CYP20A1: variants seen among roughly 807,000 people sequenced by gnomAD.
CYP20A1 encodes cytochrome P450 20A1.
In CYP20A1, 61 loss-of-function variants were observed where a neutral mutation model predicts 61.4. The ratio of observed to expected loss-of-function variants is 0.99; its 90% CI spans 0.81 to 1.23. The LOEUF is 1.23. Ranked by LOEUF, CYP20A1 falls within the 50% of genes most tolerant of loss-of-function variation. The pLI is 0.00. For synonymous variants in CYP20A1, 193 were observed against 188.2 expected (o/e 1.03, Z -0.21); for missense variants, 530 against 542.4 (o/e 0.98, Z 0.23).
chr2:203,248,441 G>C (rs558102783), intron 3 of CYP20A1, among the ~76,000 whole-genome samples: 1 of 151,830 alleles, frequency 6.6e-6, no homozygotes, highest in Admixed American at 6.6e-5. Flanking sequence ...GACTGAGGCA[G>C]GATAATCTCT....
chr2:203,280,415 A>G (rs2067996652), intron 8 of CYP20A1, among the ~76,000 whole-genome samples: 1 of 152,190 alleles, frequency 6.6e-6, no homozygotes, highest in Admixed American at 6.5e-5. Context: ...CTCAAAAAAA[A>G]CAAGGCCAGG....
At chr2:203,292,112 C>G (rs1435775596) in intron 10 of CYP20A1, 150 bp from the exon 11 acceptor site, 9 of 489,672 alleles carry the variant, frequency 1.8e-5, no homozygotes, top group Admixed American at 6.8e-5. Context: ...GTAAGATCAC[C>G]AAAATAATCA....
At chr2:203,252,438 A>C (rs1009922413) in intron 4 of CYP20A1, among the ~76,000 whole-genome samples, 2 of 152,000 alleles carry the variant, frequency 1.3e-5, no homozygotes, top group African/African-American at 2.4e-5. Context: ...TCTGTCACCC[A>C]GGCTGGAGTA....
chr2:203,266,152 T>C (rs571771364), intron 4 of CYP20A1, among the ~76,000 whole-genome samples: 63 of 152,346 alleles, frequency 4.1e-4, no homozygotes, highest in African/African-American at 1.3e-3. Context: ...GATTATTATG[T>C]CACAGGCATT....
chr2:203,254,941 A>G (rs2066839081), intron 4 of CYP20A1, among the ~76,000 whole-genome samples: 2 of 151,948 alleles, frequency 1.3e-5, no homozygotes, highest in African/African-American at 2.4e-5. Flanking sequence ...CAGTGAGCCA[A>G]GATTGCGCCA....
In CYP20A1 at chr2:203,296,713, A is replaced by G. The variant is rs773759864; in HGVS notation, c.1239-45A>G. On this transcript the variant is annotated intron_variant, in intron 12 of 12. Coordinates refer to ENST00000356079, the MANE Select transcript of CYP20A1 (RefSeq NM_177538.3). ...TGTGCAGAACGTGCAGGTTTAAAGT[A>G]TAATTTTTAATCTTTAGTAACTAAT... The G allele has an allele frequency of 1.5e-5, 24 of 1,556,414 alleles. No homozygotes were observed. The East Asian group carries it at 5.2e-4, about 34-fold the overall frequency.
rs1225757716 is a variant in CYP20A1 at position 203,298,711 on chromosome 2, A to T, written c.*1803A>T. 2.0e-5 allele frequency among the ~76,000 whole-genome samples: 3 copies of T among 150,876 alleles called. No individual in the cohort carries two copies. Among genetic ancestry groups the T allele is most frequent in the African/African-American group, 2.4e-5 (1 of 41,058 alleles). On this transcript the variant is annotated 3_prime_UTR_variant, in exon 13 of 13. Transcript: ENST00000356079. The stretch of plus-strand genomic sequence containing the variant: ...TGAAACTCATTCTCAAAAAAAAAAA[A>T]AAAAGGAGGTGGGGAGAGCTATTTC...
chr2:203,246,284 C>G (rs2066457463), intron 2 of CYP20A1, among the ~76,000 whole-genome samples: 1 of 152,174 alleles, frequency 6.6e-6, no homozygotes, highest in African/African-American at 2.4e-5. Flanking sequence ...GGCATGTAAC[C>G]TAAACTTTGT....
intron 9 of CYP20A1, among the ~76,000 whole-genome samples, chr2:203,286,682 G>T (rs2068285012): frequency 6.6e-6 from 1 of 152,110 alleles, no homozygotes; most frequent in Non-Finnish European, 1.5e-5. Flanking sequence ...GCTAGGAATG[G>T]GGATCAACTA....
Position 203,301,932 on chromosome 2 carries a change from T to G in CYP20A1, c.*5024T>G, listed in dbSNP as rs541714437. Among the ~76,000 whole-genome samples, 11,342 of 146,106 alleles carry G rather than the reference T, an allele frequency of 0.078. 189 individuals are homozygous for G. Among genetic ancestry groups the G allele is most frequent in the Non-Finnish European group, 0.11 (7,438 of 66,300 alleles). On this transcript the variant is annotated 3_prime_UTR_variant, in exon 13 of 13. Transcript: ENST00000356079. ...TAAGATTCTTTTTTTTTTTTTTTTT[T>G]TTTTGTTTTGAGACTGAGTCCCGCT...
rs747134866 is a variant in CYP20A1 at position 203,246,806 on chromosome 2, G to T, written c.174G>T (p.Leu58=). 1 of 1,614,130 alleles carries T rather than the reference G, an allele frequency of 6.2e-7. No homozygotes were observed. The highest frequency in any genetic ancestry group is 8.5e-7 in the Non-Finnish European group (1 of 1,180,030). ...IVNSGSLHEF[L]VNLHERYGPV... ...ATAGTGGAAGTTTGCATGAGTTCCTGGTTAATTTGCATGAGAGATATGGGC... is the reference window on the plus strand; with the variant it reads ...ATAGTGGAAGTTTGCATGAGTTCCTTGTTAATTTGCATGAGAGATATGGGC... Residue 58 remains leucine (L), a synonymous_variant, in exon 3 of 13, where the codon CTG becomes CTT. Transcript: ENST00000356079.
At chr2:203,248,366 G>A (rs373127475) in intron 3 of CYP20A1, among the ~76,000 whole-genome samples, 4 of 151,980 alleles carry the variant, frequency 2.6e-5, no homozygotes, top group South Asian at 2.1e-4. Flanking sequence ...AAACCCTGTC[G>A]CTACTAAAAA....
At position 203,298,533 on chromosome 2, in the gene CYP20A1, CAAAAAA is replaced by C. The variant is rs76767556; in HGVS notation, c.*1638_*1643del. On this transcript the variant is annotated 3_prime_UTR_variant, in exon 13 of 13. Coordinates refer to ENST00000356079, the MANE Select transcript of CYP20A1 (RefSeq NM_177538.3). ...TGAAACCCCGTCTCTACTAAAAATA[CAAAAAA>C]AAAAAAAAAAAATTAGCCAGATGTG... is the stretch of plus-strand genomic sequence containing the variant. Among the ~76,000 whole-genome samples the C allele has an allele frequency of 5.6e-5, 7 of 124,522 alleles. No individual in the cohort carries two copies. The highest frequency in any genetic ancestry group is 8.8e-5 in the Admixed American group (1 of 11,326). The allele number at this position is 124,522 out of a possible 152,430, so 81.7% of individuals were successfully genotyped here.
chr2:203,261,138 G>T lies in CYP20A1; in HGVS notation c.433-5376G>T, dbSNP rs138540448. Among the ~76,000 whole-genome samples, 1,251 of 152,124 alleles carry T rather than the reference G, an allele frequency of 8.2e-3. 4 individuals carry two copies. Among genetic ancestry groups the T allele is most frequent in the Non-Finnish European group, 0.014 (926 of 68,010 alleles). On this transcript the variant is annotated intron_variant, in intron 4 of 12. Coordinates refer to ENST00000356079, the MANE Select transcript of CYP20A1 (RefSeq NM_177538.3). ...AATCCCAGCACTGTGGGAGGCCAAG[G>T]TGGGAGGATTGCCTGAGTCCAGGAG...
intron 6 of CYP20A1, among the ~76,000 whole-genome samples, chr2:203,273,626 A>G (rs1175834860): frequency 1.3e-5 from 2 of 152,004 alleles, no homozygotes; most frequent in African/African-American, 4.8e-5. Context: ...GTAGTGAGAG[A>G]CCCCATCTCA....
rs369683063 is a variant in CYP20A1 at position 203,298,668 on chromosome 2, T to G, written c.*1760T>G. ...GTGAGCCAAGATCGCACCACTGCAC[T>G]CCAGCCTGGGTGTCGAGTGAAACTC... On this transcript the variant is annotated 3_prime_UTR_variant, in exon 13 of 13. Coordinates refer to ENST00000356079, the MANE Select transcript of CYP20A1 (RefSeq NM_177538.3). Among the ~76,000 whole-genome samples the G allele has an allele frequency of 4.2e-5, 6 of 142,928 alleles. No individual in the cohort carries two copies. In the East Asian group the frequency reaches 1.0e-3, roughly 25 times the overall value. The allele number at this position is 142,928 out of a possible 152,430, so 93.8% of individuals were successfully genotyped here.
Position 203,249,841 on chromosome 2 carries a change from T to C in CYP20A1, c.290-2126T>C, listed in dbSNP as rs781274566. Among the ~76,000 whole-genome samples the C allele has an allele frequency of 3.6e-4, 54 of 151,728 alleles. 1 individual carries two copies. The highest frequency in any genetic ancestry group is 6.6e-4 in the Non-Finnish European group (45 of 67,958). ...ACCTGGATGACAGATCGAGACTCCA[T>C]CTCAAAAAAGAAAAAAAATGCCCTT... is the stretch of plus-strand genomic sequence containing the variant. On this transcript the variant is annotated intron_variant, in intron 3 of 12. Coordinates refer to ENST00000356079, the MANE Select transcript of CYP20A1 (RefSeq NM_177538.3).
chr2:203,282,299 A>G (rs1400028837), intron 8 of CYP20A1, among the ~76,000 whole-genome samples: 2 of 152,042 alleles, frequency 1.3e-5, no homozygotes, highest in African/African-American at 2.4e-5. Flanking sequence ...TGCTAGGATT[A>G]CAGTCGTGAG....
Position 203,246,690 on chromosome 2 carries a change from A to C in CYP20A1, c.123-65A>C, listed in dbSNP as rs1365525181. On this transcript the variant is annotated intron_variant, in intron 2 of 12. Coordinates refer to ENST00000356079, the MANE Select transcript of CYP20A1 (RefSeq NM_177538.3). Reference sequence around the variant, plus strand: ...TATTGATACAGTTAATTCAGAGTCAACTGTTGTTTTTCTCATTTTTCCAAA... The same window carrying C: ...TATTGATACAGTTAATTCAGAGTCACCTGTTGTTTTTCTCATTTTTCCAAA... 4.7e-6 allele frequency: 7 copies of C among 1,485,884 alleles called. No homozygotes were observed. The East Asian group carries it at 1.6e-4, about 34-fold the overall frequency. The allele number at this position is 1,485,884 out of a possible 1,614,324, so 92.0% of individuals were successfully genotyped here.
Sources: allele counts gnomAD v4.1 joint callset (sites outside exome capture counted in the v4.1 genomes callset), GRCh38; gene constraint gnomAD v4.1.1; transcripts MANE v1.5; gene names NCBI Gene and HGNC (gene_info 2026-07-23, HGNC 2026-07-21).